COLQ: variants seen among roughly 807,000 people sequenced by gnomAD.
COLQ encodes the protein collagen like tail subunit of asymmetric acetylcholinesterase, also known as acetylcholinesterase collagenic tail peptide.
Under a neutral mutation model 69.0 loss-of-function variants are expected in COLQ, and 48 were observed. The ratio of observed to expected loss-of-function variants is 0.70; its 90% CI spans 0.55 to 0.88. The LOEUF (loss-of-function observed/expected upper bound fraction) is 0.88, where lower values mean the gene tolerates loss of function less well. Ranked by LOEUF, COLQ falls within the 40% of genes least tolerant of loss-of-function variation. The pLI is 0.00. For missense variants in COLQ, 618 were observed against 594.6 expected (o/e 1.04, Z -0.41); for synonymous variants, 217 against 211.2 (o/e 1.03, Z -0.24).
In COLQ at chr3:15,453,822, T is replaced by C. The variant is rs371351288; in HGVS notation, c.1298+7A>G. 6.3e-7 allele frequency: 1 copy of C among 1,584,824 alleles called. No homozygotes were observed. The highest frequency in any genetic ancestry group is 8.6e-7 in the Non-Finnish European group (1 of 1,156,954). The stretch of plus-strand genomic sequence containing the variant: ...GGGGGAGAGGGAGGGAGGGGAGTCA[T>C]CCCTACCCAGGGAGATAGGTCTCGC... On this transcript the variant is annotated splice_region_variant and intron_variant, in intron 16 of 16. Coordinates refer to ENST00000383788, the MANE Select transcript of COLQ (RefSeq NM_005677.4).
At chr3:15,521,462 C>T in intron 1 of COLQ, 58 bp downstream of exon 1, 1 of 1,608,500 alleles carries the variant, frequency 6.2e-7, no homozygotes, top group South Asian at 1.1e-5. Context: ...AAACAATCTT[C>T]CTTCCTCCCC....
At chr3:15,499,853 G>C (rs531013627) in intron 1 of COLQ, among the ~76,000 whole-genome samples, 1 of 152,108 alleles carries the variant, frequency 6.6e-6, no homozygotes, top group South Asian at 2.1e-4. Flanking sequence ...TCATTCTTTC[G>C]GAGTCTAAGC....
chr3:15,475,340 C>G lies in COLQ; in HGVS notation c.528+85G>C. On this transcript the variant is annotated intron_variant, in intron 7 of 16. Transcript: ENST00000383788. ...ACATTCCCTAGTCCGGGACTGCAGC[C>G]CCACCCAGTCCCTATGTTTGTAGAC... 2.3e-6 allele frequency: 3 copies of G among 1,303,110 alleles called. No homozygotes were observed. The African/African-American group carries it at 4.4e-5, about 19-fold the overall frequency. The allele number at this position is 1,303,110 out of a possible 1,614,324, so 80.7% of individuals were successfully genotyped here.
intron 1 of COLQ, among the ~76,000 whole-genome samples, chr3:15,504,642 T>G (rs2062880700): frequency 6.6e-6 from 1 of 152,154 alleles, no homozygotes. Flanking sequence ...GTAGATCACT[T>G]GAGGTGAGGA....
At chr3:15,501,942 T>G (rs1412651757) in intron 1 of COLQ, among the ~76,000 whole-genome samples, 1 of 152,212 alleles carries the variant, frequency 6.6e-6, no homozygotes, top group African/African-American at 2.4e-5. Context: ...TTAAACCTAT[T>G]GCAATAGTCT....
At chr3:15,490,308 C>G (rs1224290071) in intron 1 of COLQ, among the ~76,000 whole-genome samples, 1 of 152,176 alleles carries the variant, frequency 6.6e-6, no homozygotes, top group Non-Finnish European at 1.5e-5. Flanking sequence ...GTATGCCTTA[C>G]AAAAAGTACA....
intron 1 of COLQ, among the ~76,000 whole-genome samples, chr3:15,518,022 T>A (rs2063085831): frequency 1.3e-5 from 2 of 152,176 alleles, no homozygotes; most frequent in Admixed American, 6.5e-5. Context: ...CTCAGCTCAC[T>A]GCTACCTCCG....
intron 1 of COLQ, among the ~76,000 whole-genome samples, chr3:15,510,313 G>A (rs1233601444): frequency 6.6e-6 from 1 of 152,202 alleles, no homozygotes; most frequent in Non-Finnish European, 1.5e-5. Context: ...GTCAGGTGCA[G>A]TGCAAAGCTC....
intron 1 of COLQ, among the ~76,000 whole-genome samples, chr3:15,490,231 C>CCTTT (rs1431959318): frequency 1.3e-5 from 2 of 152,180 alleles, no homozygotes; most frequent in Admixed American, 6.5e-5. Context: ...GGGCCCTGAA[C>CCTTT]CTTTGTAGCT....
At chr3:15,454,147 A>C (rs3773458) in intron 15 of COLQ, among the ~76,000 whole-genome samples, 1 of 151,716 alleles carries the variant, frequency 6.6e-6, no homozygotes, top group Non-Finnish European at 1.5e-5. Flanking sequence ...TCCTGGCTCC[A>C]GCCCCGCCTC....
intron 12 of COLQ, among the ~76,000 whole-genome samples, chr3:15,461,948 C>T (rs377008266): frequency 3.3e-5 from 5 of 151,918 alleles, no homozygotes; most frequent in Non-Finnish European, 5.9e-5. Flanking sequence ...ATTTGGGGGG[C>T]CTAGTCCAAC....
intron 3 of COLQ, among the ~76,000 whole-genome samples, chr3:15,482,091 T>C (rs1334894661): frequency 6.6e-6 from 1 of 152,256 alleles, no homozygotes; most frequent in Non-Finnish European, 1.5e-5. Flanking sequence ...TGAAGTTGCT[T>C]ATCAGCTTAA....
chr3:15,520,520 T>C lies in COLQ; in HGVS notation c.106+1000A>G, dbSNP rs554785413. 3.9e-5 allele frequency among the ~76,000 whole-genome samples: 6 copies of C among 152,272 alleles called. No homozygotes were observed. The South Asian group carries it at 1.0e-3, about 26-fold the overall frequency. ...CCTGTGTTTCCAGCAAAGGCAGCGA[T>C]AGTGAAATTTCTGTCTCAGTTGAAG... On this transcript the variant is annotated intron_variant, in intron 1 of 16. Transcript: ENST00000383788.
chr3:15,492,550 C>T (rs1049360434), intron 1 of COLQ, among the ~76,000 whole-genome samples: 4 of 152,116 alleles, frequency 2.6e-5, no homozygotes, highest in African/African-American at 7.2e-5. Context: ...GCCTGTAGTC[C>T]CACCTACTTG....
At chr3:15,483,177 A>AT (rs1463185530) in intron 3 of COLQ, among the ~76,000 whole-genome samples, 1 of 151,854 alleles carries the variant, frequency 6.6e-6, no homozygotes, top group East Asian at 1.9e-4. Context: ...GGATTCATTG[A>AT]TTTTTTTGAA....
chr3:15,472,523 C>T (rs2062304841), intron 10 of COLQ, among the ~76,000 whole-genome samples: 1 of 152,192 alleles, frequency 6.6e-6, no homozygotes, highest in Non-Finnish European at 1.5e-5. Context: ...AAAGCATCCC[C>T]TTTGCATGTT....
intron 13 of COLQ, among the ~76,000 whole-genome samples, chr3:15,457,700 C>T (rs557067772): frequency 6.6e-6 from 1 of 151,966 alleles, no homozygotes; most frequent in South Asian, 2.1e-4. Context: ...GCAATCTCCG[C>T]CTCCTGGGTT....
In COLQ at chr3:15,457,623, C is replaced by CTTTTTTTTT. The variant is rs10643789; in HGVS notation, c.954+562_954+563insAAAAAAAAA. Among the ~76,000 whole-genome samples the CTTTTTTTTT allele has an allele frequency of 2.4e-4, 36 of 150,494 alleles. 2 individuals are homozygous for CTTTTTTTTT. The highest frequency in any genetic ancestry group is 1.2e-3 in the Admixed American group (18 of 15,116). Reference sequence around the variant, plus strand: ...TTTCAACTAAGATAACAAAGTATAACTTTTTTTGAGACGGAGTCTCGCTCT... The same window carrying CTTTTTTTTT: ...TTTCAACTAAGATAACAAAGTATAACTTTTTTTTTTTTTTTTGAGACGGAGTCTCGCTCT... On this transcript the variant is annotated intron_variant, in intron 13 of 16. Transcript: ENST00000383788.
chr3:15,461,415 AGGCTATACTAAAG>A (rs929592937), intron 12 of COLQ, among the ~76,000 whole-genome samples: 1 of 152,140 alleles, frequency 6.6e-6, no homozygotes, highest in Non-Finnish European at 1.5e-5. Context: ...GTTTTCTGCC[AGGCTATACTAAAG>A]GACTCAGCAA....
Sources: gnomAD v4.1 joint callset for allele counts (sites outside exome capture counted in the v4.1 genomes callset) on GRCh38, gnomAD v4.1.1 for gene constraint, MANE v1.5 for transcripts, NCBI Gene and HGNC (gene_info 2026-07-23, HGNC 2026-07-21) for gene names.